Variants in ANAPC1 observed in about 807,000 individuals in gnomAD.
ANAPC1 encodes the protein anaphase-promoting complex subunit 1.
Under a neutral mutation model 208.0 loss-of-function variants are expected in ANAPC1, and 36 were observed. That is an observed-to-expected ratio of 0.17 (90% CI 0.13 to 0.23). The LOEUF (loss-of-function observed/expected upper bound fraction) is 0.23, where lower values mean the gene tolerates loss of function less well. ANAPC1 is among the 10% of genes least tolerant of loss of function. The pLI, the probability that ANAPC1 is intolerant of heterozygous loss-of-function variation, is 1.00. For missense variants in ANAPC1, 942 were observed against 2,011.6 expected, an observed-to-expected ratio of 0.47 and a Z score of 10.17; for synonymous variants, 378 against 695.2, an observed-to-expected ratio of 0.54 and a Z score of 7.18.
chr2:111,827,768 T>C (rs995672280), intron 21 of ANAPC1, among the ~76,000 whole-genome samples: 1 of 151,314 alleles, frequency 6.6e-6, no homozygotes, highest in African/African-American at 2.4e-5. Context: ...ATAAAAAAAA[T>C]AAAAAATAAA....
chr2:111,773,394 T>C (rs1428074065), intron 46 of ANAPC1, among the ~76,000 whole-genome samples: 1 of 152,234 alleles, frequency 6.6e-6, no homozygotes, highest in African/African-American at 2.4e-5. Context: ...ATGTAGCTGA[T>C]GGAACCTCAG....
chr2:111,844,737 T>A (rs1263311282), intron 16 of ANAPC1, among the ~76,000 whole-genome samples: 1 of 152,236 alleles, frequency 6.6e-6, no homozygotes, highest in Non-Finnish European at 1.5e-5. Flanking sequence ...TTAACATGCC[T>A]ATTAACCAAA....
chr2:111,877,250 G>T, intron 3 of ANAPC1, among the ~76,000 whole-genome samples: 1 of 80,680 alleles, frequency 1.2e-5, no homozygotes, highest in Non-Finnish European at 3.1e-5. Context: ...TATCTTTTTA[G>T]CTAGAAAACC....
At chr2:111,767,047 T>A (rs1338657514), downstream of ANAPC1, 1 of 459,142 alleles carries the variant, frequency 2.2e-6, no homozygotes, top group Non-Finnish European at 4.5e-6. Flanking sequence ...GAACCACCAC[T>A]CTGAGTGTAT....
intron 17 of ANAPC1, among the ~76,000 whole-genome samples, chr2:111,842,079 A>G (rs1680794861): frequency 6.6e-6 from 1 of 152,214 alleles, no homozygotes. Context: ...GTGAAAAAGG[A>G]TGTTTATAAA....
Position 111,862,420 on chromosome 2 carries a change from G to A in ANAPC1, c.1231C>T (p.His411Tyr), listed in dbSNP as rs1178411846. Residue 411 changes from histidine (H) to tyrosine (Y), a missense_variant, in exon 10 of 48, where the codon CAT (histidine) becomes TAT (tyrosine). Coordinates refer to ENST00000341068, the MANE Select transcript of ANAPC1 (RefSeq NM_022662.4). ...EPIVPELCID[H>Y]LWTETITNIR... Reference sequence around the variant, plus strand: ...TTAGTAATCGTTTCTGTCCACAAATGGTCAATACACAGTTCAGGAACAATT... The same window carrying A: ...TTAGTAATCGTTTCTGTCCACAAATAGTCAATACACAGTTCAGGAACAATT... 10 of 1,602,724 alleles carry A rather than the reference G, an allele frequency of 6.2e-6. No individual in the cohort carries two copies. The highest frequency in any genetic ancestry group is 8.5e-6 in the Non-Finnish European group (10 of 1,174,800).
chr2:111,856,986 A>G, intron 11 of ANAPC1, 100 bp from the exon 12 acceptor site: 2 of 843,396 alleles, frequency 2.4e-6, no homozygotes, highest in Non-Finnish European at 3.8e-6. Context: ...AGAAGTTTAC[A>G]TACTGTATGA....
intron 1 of ANAPC1, among the ~76,000 whole-genome samples, chr2:111,881,205 T>C (rs1683281571): frequency 6.6e-6 from 1 of 152,170 alleles, no homozygotes; most frequent in South Asian, 2.1e-4. Flanking sequence ...ACTACATGGC[T>C]TTTCAACATT....
At chr2:111,833,380 G>A in intron 19 of ANAPC1, 69 bp from the exon 20 acceptor site, 1 of 1,451,116 alleles carries the variant, frequency 6.9e-7, no homozygotes, top group Non-Finnish European at 9.2e-7. Context: ...TGGAAGGATT[G>A]ATTAGTTGAA....
At chr2:111,829,665 A>C (rs1680026253) in intron 21 of ANAPC1, among the ~76,000 whole-genome samples, 1 of 152,164 alleles carries the variant, frequency 6.6e-6, no homozygotes, top group African/African-American at 2.4e-5. Context: ...TAAATAAATC[A>C]TGAGATTTGC....
intron 16 of ANAPC1, 30 bp downstream of exon 16, chr2:111,847,108 T>C (rs71413401): frequency 0.22 from 331,731 of 1,532,332 alleles, 37,994 homozygotes; most frequent in Middle Eastern, 0.29. Flanking sequence ...AATTACTTCA[T>C]GTCTTATAAA....
chr2:111,772,760 G>A (rs528167452), intron 46 of ANAPC1, among the ~76,000 whole-genome samples: 2 of 152,256 alleles, frequency 1.3e-5, no homozygotes, highest in South Asian at 2.1e-4. Flanking sequence ...CACTGTGGTT[G>A]TCTCCCCGAA....
In ANAPC1 at chr2:111,792,523, G is replaced by A. The variant is rs767790819; in HGVS notation, c.4551C>T (p.Ser1517=). 2.0e-4 allele frequency: 320 copies of A among 1,613,728 alleles called. No homozygotes were observed. The highest frequency in any genetic ancestry group is 4.5e-4 in the East Asian group (20 of 44,902). ...CCATGGCGAGAGACAGCAGCACCAC[G>A]CTCAGACAAGTTTCTAGGTTATGAG... The part of the protein sequence containing the change: ...TGPHNLETCL[S]VVLLSLAMVM... Residue 1517 remains serine (S), a synonymous_variant, in exon 38 of 48, where the codon AGC becomes AGT. Transcript: ENST00000341068.
chr2:111,838,309 T>G, intron 18 of ANAPC1, 129 bp downstream of exon 18: 2 of 628,538 alleles, frequency 3.2e-6, no homozygotes, highest in South Asian at 7.5e-5. Context: ...TAATTGCTAT[T>G]CAGTATTAAA....
At chr2:111,838,580 G>T in intron 17 of ANAPC1, 68 bp from the exon 18 acceptor site, 3 of 1,345,516 alleles carry the variant, frequency 2.2e-6, no homozygotes, top group Non-Finnish European at 3.0e-6. Flanking sequence ...TCAACTTCAA[G>T]GATTCAGAAA....
At chr2:111,858,543 G>A (rs1281118315) in intron 10 of ANAPC1, 142 bp from the exon 11 acceptor site, 15 of 473,658 alleles carry the variant, frequency 3.2e-5, no homozygotes, top group Middle Eastern at 5.8e-4. Flanking sequence ...GGCAGATCAC[G>A]AGGTCAGGAG....
In ANAPC1 at chr2:111,884,131, G is replaced by C. The variant is rs915748993; in HGVS notation, c.-214C>G. On this transcript the variant is annotated 5_prime_UTR_variant, in exon 1 of 48. Transcript: ENST00000341068. ...ACAGCAGCGGGCTCGAGTGCTAATG[G>C]CAGGAAGGCGTGCGAGACGTTCAAA... 2.0e-5 allele frequency: 3 copies of C among 152,272 alleles called. No homozygotes were observed. Among genetic ancestry groups the C allele is most frequent in the African/African-American group, 7.2e-5 (3 of 41,462 alleles). 9.4% of individuals were successfully genotyped at this position (152,272 alleles called of 1,614,324 possible). A position where few individuals can be genotyped will look rare whatever the true frequency, so the allele number is the denominator to read the frequency against.
At chr2:111,816,658 A>C (rs1679255799) in intron 27 of ANAPC1, among the ~76,000 whole-genome samples, 1 of 145,554 alleles carries the variant, frequency 6.9e-6, no homozygotes, top group South Asian at 2.2e-4. Context: ...GTCACGGATA[A>C]AATAATTAAC....
At chr2:111,881,629 T>C (rs1683302304) in intron 1 of ANAPC1, among the ~76,000 whole-genome samples, 3 of 152,198 alleles carry the variant, frequency 2.0e-5, no homozygotes, top group African/African-American at 7.2e-5. Flanking sequence ...CAAGGTTAGG[T>C]AGCAGCCAGG....
Sources: gnomAD v4.1 joint callset for allele counts (sites outside exome capture counted in the v4.1 genomes callset) on GRCh38, gnomAD v4.1.1 for gene constraint, MANE v1.5 for transcripts, NCBI Gene and HGNC (gene_info 2026-07-23, HGNC 2026-07-21) for gene names.